KCNIP1: variants seen among roughly 807,000 people sequenced by gnomAD.
The protein encoded by KCNIP1 is potassium voltage-gated channel interacting protein 1.
Under a neutral mutation model 33.0 loss-of-function variants are expected in KCNIP1, and 18 were observed. That is an observed-to-expected ratio of 0.55 (90% CI 0.38 to 0.81). The LOEUF is 0.81. Among genes scored for constraint, KCNIP1 ranks in the 30% least tolerant of loss-of-function variants. The probability of loss-of-function intolerance (pLI) is 0.00; values close to 1 mark genes in which losing one functional copy is unlikely to be tolerated. For synonymous variants in KCNIP1, 93 were observed against 98.3 expected (o/e 0.95, Z 0.32); for missense variants, 238 against 271.6 (o/e 0.88, Z 0.87).
At chr5:170,709,036 A>G (rs2081036) in intron 1 of KCNIP1, among the ~76,000 whole-genome samples, 2,707 of 152,334 alleles carry the variant, frequency 0.018, 183 homozygotes, top group Admixed American at 0.13. Context: ...AATTCTTTAA[A>G]GTTTTTTGAG....
intron 1 of KCNIP1, among the ~76,000 whole-genome samples, chr5:170,693,257 C>T (rs200510759): frequency 2.7e-3 from 5 of 1,854 alleles, no homozygotes; most frequent in African/African-American, 3.8e-3. Context: ...CCCATCCCCC[C>T]GACACACACA....
chr5:170,677,166 A>T (rs912869450), intron 1 of KCNIP1, among the ~76,000 whole-genome samples: 5 of 152,218 alleles, frequency 3.3e-5, no homozygotes, highest in African/African-American at 1.2e-4. Flanking sequence ...TTACTAATTC[A>T]TCTTAATCTC....
At chr5:170,719,197 GC>G (rs1763736140) in intron 2 of KCNIP1, among the ~76,000 whole-genome samples, 1 of 152,046 alleles carries the variant, frequency 6.6e-6, no homozygotes, top group African/African-American at 2.4e-5. Flanking sequence ...ACCTGGTGGT[GC>G]CCCCACAATA....
chr5:170,589,794 T>TGCGGTGCGGTGCGGTGCGGTGCGGTGCG (rs1554103000), intron 1 of KCNIP1, among the ~76,000 whole-genome samples: 7 of 113,242 alleles, frequency 6.2e-5, no homozygotes, highest in South Asian at 3.3e-4. Context: ...TGTGATGTGG[T>TGCGGTGCGGTGCGGTGCGGTGCGGTGCG]GTGCGGTGCG....
At chr5:170,454,868 G>T (rs1242111627) in intron 1 of KCNIP1, among the ~76,000 whole-genome samples, 1 of 151,950 alleles carries the variant, frequency 6.6e-6, no homozygotes. Context: ...TTCAATGAAG[G>T]TTAAAAAAAT....
intron 1 of KCNIP1, among the ~76,000 whole-genome samples, chr5:170,712,303 AT>A (rs1763477965): frequency 6.6e-6 from 1 of 152,226 alleles, no homozygotes; most frequent in African/African-American, 2.4e-5. Context: ...GGAAGAAAGA[AT>A]CAAAAACTTG....
chr5:170,447,439 T>C (rs1561630479), intron 1 of KCNIP1, among the ~76,000 whole-genome samples: 1 of 152,176 alleles, frequency 6.6e-6, no homozygotes, highest in Non-Finnish European at 1.5e-5. Flanking sequence ...CTAAATGAGC[T>C]AGACTCAGTC....
At position 170,504,519 on chromosome 5, in the gene KCNIP1, G is replaced by A. The variant is rs968439369; in HGVS notation, c.-54G>A. ...ACAAACCACGGGGATTTCTTTCCAGGGTAGGGGAGGGGCCGGGCCCGGGGT... is the reference window on the plus strand; with the variant it reads ...ACAAACCACGGGGATTTCTTTCCAGAGTAGGGGAGGGGCCGGGCCCGGGGT... On this transcript the variant is annotated 5_prime_UTR_variant, in exon 1 of 8. Transcript: ENST00000328939. This position sits in a 1 kb window ranked among gnomAD's most constrained non-coding sequence, Gnocchi z 6.0. 81 of 1,609,376 alleles carry A rather than the reference G, an allele frequency of 5.0e-5. No individual in the cohort carries two copies. The highest frequency in any genetic ancestry group is 6.5e-5 in the Non-Finnish European group (77 of 1,179,890).
At chr5:170,627,926 T>C (rs1374575290) in intron 1 of KCNIP1, among the ~76,000 whole-genome samples, 1 of 152,130 alleles carries the variant, frequency 6.6e-6, no homozygotes, top group Non-Finnish European at 1.5e-5. Context: ...GTGACCTCTC[T>C]CTCTAGTAAA....
chr5:170,586,621 T>C (rs1758001080), intron 1 of KCNIP1, among the ~76,000 whole-genome samples: 1 of 152,236 alleles, frequency 6.6e-6, no homozygotes, highest in Admixed American at 6.5e-5. Flanking sequence ...GTCCCTCATC[T>C]TCTCCAGGGC....
At chr5:170,566,712 G>A (rs952944287) in intron 1 of KCNIP1, among the ~76,000 whole-genome samples, 2 of 152,198 alleles carry the variant, frequency 1.3e-5, no homozygotes, top group Admixed American at 6.5e-5. Context: ...AAGCCAAGGA[G>A]GGGGAGGATG....
intron 1 of KCNIP1, among the ~76,000 whole-genome samples, chr5:170,713,259 A>T (rs980666164): frequency 8.5e-5 from 13 of 152,136 alleles, no homozygotes; most frequent in African/African-American, 3.1e-4. Context: ...TTATTACTTT[A>T]TCTCTTTTTA....
chr5:170,498,460 T>A (rs1196452585), intron 1 of KCNIP1, among the ~76,000 whole-genome samples: 1 of 152,192 alleles, frequency 6.6e-6, no homozygotes, highest in Non-Finnish European at 1.5e-5. Flanking sequence ...ATCACTTCAC[T>A]GTTCACACAA....
At chr5:170,535,567 C>T (rs954540219) in intron 1 of KCNIP1, among the ~76,000 whole-genome samples, 1 of 152,098 alleles carries the variant, frequency 6.6e-6, no homozygotes, top group African/African-American at 2.4e-5. Context: ...CCTGCTTGGC[C>T]CCAAACTCTT....
Position 170,718,866 on chromosome 5 carries a change from A to T in KCNIP1, c.170A>T (p.Tyr57Phe). ...NFTKRELQVL[Y>F]RGFKNECPSG... ...ACCAAGAGGGAGCTGCAGGTCCTTT[A>T]TCGAGGCTTCAAAAATGTAAGACCC... The change falls in exon 2 of 8, where the codon TAT (tyrosine) becomes TTT (phenylalanine). Residue 57 changes from tyrosine to phenylalanine, a missense_variant. By Grantham distance (22) the Tyr-to-Phe change is conservative. Transcript: ENST00000328939. The T allele has an allele frequency of 6.2e-7, 1 of 1,610,726 alleles. No individual in the cohort carries two copies. Among genetic ancestry groups the T allele is most frequent in the Non-Finnish European group, 8.5e-7 (1 of 1,178,972 alleles).
chr5:170,730,326 C>T (rs1764152365), intron 5 of KCNIP1, among the ~76,000 whole-genome samples: 1 of 152,104 alleles, frequency 6.6e-6, no homozygotes. Context: ...AATTTGCAAA[C>T]TAGGCAGAAT....
chr5:170,713,932 G>A (rs1243048136), intron 1 of KCNIP1, among the ~76,000 whole-genome samples: 1 of 152,028 alleles, frequency 6.6e-6, no homozygotes, highest in African/African-American at 2.4e-5. Context: ...GCTGAGGCAG[G>A]AGAATTGCTT....
intron 1 of KCNIP1, among the ~76,000 whole-genome samples, chr5:170,518,324 C>T (rs780582145): frequency 2.0e-5 from 3 of 152,132 alleles, no homozygotes; most frequent in Non-Finnish European, 4.4e-5. Context: ...ACTTGAATTC[C>T]CCCAGGTGTA....
At chr5:170,425,558 C>T (rs1755594558) in intron 1 of KCNIP1, among the ~76,000 whole-genome samples, 1 of 152,202 alleles carries the variant, frequency 6.6e-6, no homozygotes, top group African/African-American at 2.4e-5. Flanking sequence ...CTCTGCAAAG[C>T]TGAGTCTAAA....
Sources: allele counts gnomAD v4.1 joint callset (sites outside exome capture counted in the v4.1 genomes callset), GRCh38; gene constraint gnomAD v4.1.1; non-coding constraint Gnocchi (gnomAD v3.1); transcripts MANE v1.5; gene names NCBI Gene and HGNC (gene_info 2026-07-23, HGNC 2026-07-21).